SEC14L2: variants seen among roughly 807,000 people sequenced by gnomAD.
SEC14L2 encodes SEC14-like protein 2.
SEC14L2 carries 50 observed loss-of-function variants against 56.9 expected under a neutral mutation model. The observed-to-expected ratio is 0.88, with a 90% CI of 0.70 to 1.11. The LOEUF is 1.11. Ranked by LOEUF, SEC14L2 falls within the 50% of genes most tolerant of loss-of-function variation. SEC14L2 has a pLI of 0.00. For missense variants in SEC14L2, 414 were observed against 500.7 expected, an observed-to-expected ratio of 0.83 and a Z score of 1.65; for synonymous variants, 179 against 188.5, an observed-to-expected ratio of 0.95 and a Z score of 0.41.
chr22:30,412,242 G>A (rs1156596790), intron 8 of SEC14L2, among the ~76,000 whole-genome samples: 4 of 152,104 alleles, frequency 2.6e-5, no homozygotes, highest in South Asian at 2.1e-4. Context: ...CAGTTTGCAC[G>A]AGCCTCTGTC....
At chr22:30,414,492 T>C (rs962293287) in intron 8 of SEC14L2, among the ~76,000 whole-genome samples, 4 of 152,114 alleles carry the variant, frequency 2.6e-5, no homozygotes, top group Admixed American at 1.3e-4. Flanking sequence ...AGACACTGTG[T>C]TCCCAGGAGT....
rs1426339736 is a variant in SEC14L2, at chr22:30,399,881, A to G, written c.130+163A>G. 2.0e-5 allele frequency among the ~76,000 whole-genome samples: 3 copies of G among 152,238 alleles called. No individual in the cohort carries two copies. In the East Asian group the frequency reaches 5.8e-4, roughly 29 times the overall value. Reference sequence around the variant, plus strand: ...GACATAAGCTCAACCCTCCTAGTGGATAAAGACACTGAGGCTCAGAGAGGT... The same window carrying G: ...GACATAAGCTCAACCCTCCTAGTGGGTAAAGACACTGAGGCTCAGAGAGGT... On this transcript the variant is annotated intron_variant, in intron 2 of 11. Transcript: ENST00000615189.
chr22:30,397,219 C>T (rs1336504612), intron 1 of SEC14L2, 49 bp downstream of exon 1: 9 of 1,446,882 alleles, frequency 6.2e-6, no homozygotes, highest in African/African-American at 1.5e-5. Flanking sequence ...GTGGCCCTCG[C>T]CCTCCTGCGG....
chr22:30,404,018 A>G (rs1325971572), intron 2 of SEC14L2, among the ~76,000 whole-genome samples: 1 of 137,614 alleles, frequency 7.3e-6, no homozygotes, highest in Non-Finnish European at 1.6e-5. Flanking sequence ...TCAAAAAAAA[A>G]AAAAAAAAAA....
rs955234441 is a variant in SEC14L2, at chr22:30,425,297, T to C, written c.*2890T>C. ...TAAACTCAATAAATGGTGACTGTTA[T>C]AATTAATCCTCGGAACCATCCTAGG... is the stretch of plus-strand genomic sequence containing the variant. On this transcript the variant is annotated 3_prime_UTR_variant, in exon 12 of 12. Transcript: ENST00000615189. 6.1e-6 allele frequency: 1 copy of C among 162,676 alleles called. No homozygotes were observed. The highest frequency in any genetic ancestry group is 1.4e-5 in the Non-Finnish European group (1 of 73,464). 10.1% of individuals were successfully genotyped at this position (162,676 alleles called of 1,614,324 possible). A position where few individuals can be genotyped will look rare whatever the true frequency, so the allele number is the denominator to read the frequency against.
rs374025159 is a variant in SEC14L2 at position 30,422,529 on chromosome 22, G to A, written c.*122G>A. ...AACTGGGCTGGAGGACAGACCTCAGGAGCTTTCATTTCAGTTAGGCAGAGG... is the reference window on the plus strand; with the variant it reads ...AACTGGGCTGGAGGACAGACCTCAGAAGCTTTCATTTCAGTTAGGCAGAGG... On this transcript the variant is annotated 3_prime_UTR_variant, in exon 12 of 12. Transcript: ENST00000615189. 1.2e-4 allele frequency: 156 copies of A among 1,275,774 alleles called. No individual in the cohort carries two copies. The East Asian group carries it at 1.8e-3, about 15-fold the overall frequency. The allele number at this position is 1,275,774 out of a possible 1,614,324, so 79.0% of individuals were successfully genotyped here.
chr22:30,406,059 T>A (rs1934084192), intron 2 of SEC14L2, among the ~76,000 whole-genome samples: 1 of 152,008 alleles, frequency 6.6e-6, no homozygotes, highest in South Asian at 2.1e-4. Context: ...TTTAAGTTGA[T>A]TATAACCACT....
At chr22:30,407,655 A>C in intron 5 of SEC14L2, 52 bp downstream of exon 5, 1 of 1,525,512 alleles carries the variant, frequency 6.6e-7, no homozygotes, top group Non-Finnish European at 9.0e-7. Flanking sequence ...GAGGCATTCC[A>C]GCAGAAGCAG....
Position 30,416,095 on chromosome 22 carries a change from C to T in SEC14L2, c.911+8C>T. The T allele has an allele frequency of 6.2e-7, 1 of 1,614,164 alleles. No homozygotes were observed. The highest frequency in any genetic ancestry group is 1.1e-5 in the South Asian group (1 of 91,084). On this transcript the variant is annotated splice_region_variant and intron_variant, in intron 10 of 11. Transcript: ENST00000615189. ...CCCTGGCTGTGTCCTCAGGTAGGGGCCTGGGCCCTTCCAGGAGACCCGAGC... is the reference window on the plus strand; with the variant it reads ...CCCTGGCTGTGTCCTCAGGTAGGGGTCTGGGCCCTTCCAGGAGACCCGAGC...
chr22:30,397,143 C>A lies in SEC14L2; in HGVS notation c.27C>A (p.Ser9Arg), dbSNP rs1291366641. MSGRVGDL[S>R]PRQKEALAKF... ...TGAGCGGCAGAGTCGGCGATCTGAGCCCCAGGCAGAAGGAGGCATTGGCCA... is the reference window on the plus strand; with the variant it reads ...TGAGCGGCAGAGTCGGCGATCTGAGACCCAGGCAGAAGGAGGCATTGGCCA... The change falls in exon 1 of 12, where the codon AGC (serine) becomes AGA (arginine). Residue 9 changes from serine (S) to arginine (R), a missense_variant. Coordinates refer to ENST00000615189, the MANE Select transcript of SEC14L2 (RefSeq NM_012429.5). 1 of 1,547,230 alleles carries A rather than the reference C, an allele frequency of 6.5e-7. No individual in the cohort carries two copies. Among genetic ancestry groups the A allele is most frequent in the Non-Finnish European group, 8.7e-7 (1 of 1,145,580 alleles).
intron 11 of SEC14L2, chr22:30,421,179 AC>A (rs774107376): frequency 6.6e-6 from 1 of 152,108 alleles, no homozygotes; most frequent in Non-Finnish European, 1.5e-5. Flanking sequence ...ACACACACAC[AC>A]ACACACACAC....
intron 2 of SEC14L2, among the ~76,000 whole-genome samples, chr22:30,404,009 C>CAAAAA (rs67366822): frequency 2.8e-4 from 26 of 93,218 alleles, no homozygotes; most frequent in Non-Finnish European, 4.3e-4. Context: ...GACTCCGTCT[C>CAAAAA]AAAAAAAAAA....
chr22:30,406,495 T>A (rs1045602283), intron 3 of SEC14L2, 110 bp downstream of exon 3: 30 of 1,072,500 alleles, frequency 2.8e-5, no homozygotes, highest in Non-Finnish European at 4.1e-5. Context: ...CTTTGAGTAT[T>A]AGCCGACCAC....
In SEC14L2 at chr22:30,408,433, A is replaced by C. The variant is rs1433421962; in HGVS notation, c.424-754A>C. ...ATGGCAAGAGCCTGTCTCTACAAAA[A>C]AAAGTAAAAAATTAGCTGTGCATAG... On this transcript the variant is annotated intron_variant, in intron 5 of 11. Coordinates refer to ENST00000615189, the MANE Select transcript of SEC14L2 (RefSeq NM_012429.5). Among the ~76,000 whole-genome samples the C allele has an allele frequency of 9.9e-5, 15 of 152,194 alleles. 1 individual carries two copies. The highest frequency in any genetic ancestry group is 2.9e-5 in the Non-Finnish European group (2 of 68,030).
intron 1 of SEC14L2, 73 bp downstream of exon 1, chr22:30,397,243 C>A: frequency 8.4e-7 from 1 of 1,184,690 alleles, no homozygotes; most frequent in Non-Finnish European, 1.2e-6. Flanking sequence ...CGAGAAGGGA[C>A]GGGGCTGGGT....
Position 30,397,625 on chromosome 22 carries a change from C to T in SEC14L2, c.54+455C>T, listed in dbSNP as rs1460294925. On this transcript the variant is annotated intron_variant, in intron 1 of 11. Transcript: ENST00000615189. ...TTGGGAGACTTGGATAGCTCCTGCC[C>T]CGGCACCAAGCCGCTGTGCGACCTT... 3 of 315,584 alleles carry T rather than the reference C, an allele frequency of 9.5e-6. No homozygotes were observed. In the Admixed American group the frequency reaches 1.3e-4, roughly 14 times the overall value. 19.5% of individuals were successfully genotyped at this position (315,584 alleles called of 1,614,324 possible).
rs1569204382 is a variant in SEC14L2, at chr22:30,399,839, A to C, written c.130+121A>C. The C allele has an allele frequency of 5.4e-6, 4 of 743,048 alleles. No homozygotes were observed. The East Asian group carries it at 1.1e-4, about 20-fold the overall frequency. The allele number at this position is 743,048 out of a possible 1,614,324, so 46.0% of individuals were successfully genotyped here. A position where few individuals can be genotyped will look rare whatever the true frequency, so the allele number is the denominator to read the frequency against. On this transcript the variant is annotated intron_variant, in intron 2 of 11. Coordinates refer to ENST00000615189, the MANE Select transcript of SEC14L2 (RefSeq NM_012429.5). ...TCTAGAGTGTCCAACCTTTAGCGCC[A>C]AAGGGCCCTTGGCAATGACATAAGC...
intron 5 of SEC14L2, among the ~76,000 whole-genome samples, chr22:30,408,421 G>A (rs1256603934): frequency 6.6e-6 from 1 of 152,054 alleles, no homozygotes; most frequent in Admixed American, 6.6e-5. Context: ...GCAAGAGCCT[G>A]TCTCTACAAA....
At chr22:30,414,021 G>T (rs960472623) in intron 8 of SEC14L2, among the ~76,000 whole-genome samples, 1 of 151,970 alleles carries the variant, frequency 6.6e-6, no homozygotes, top group African/African-American at 2.4e-5. Flanking sequence ...GGTAGAGACG[G>T]GAGCTCACTA....
Sources: gnomAD v4.1 joint callset for allele counts (sites outside exome capture counted in the v4.1 genomes callset) on GRCh38, gnomAD v4.1.1 for gene constraint, MANE v1.5 for transcripts, NCBI Gene and HGNC (gene_info 2026-07-23, HGNC 2026-07-21) for gene names.